The following BRIP1 variants were observed in gnomAD, a reference collection of about 807,000 sequenced individuals.
BRIP1 encodes Fanconi anemia group J protein.
A neutral mutation model predicts 119.7 loss-of-function variants in BRIP1; 88 were observed. The observed-to-expected ratio is 0.74, with a 90% CI of 0.62 to 0.88. BRIP1 has a LOEUF of 0.88. Among genes scored for constraint, BRIP1 ranks in the 40% least tolerant of loss-of-function variants. The pLI is 0.00. For missense variants in BRIP1, 1,259 were observed against 1,455.4 expected, an observed-to-expected ratio of 0.87 and a Z score of 2.20; for synonymous variants, 443 against 496.5, an observed-to-expected ratio of 0.89 and a Z score of 1.43.
Position 61,713,005 on chromosome 17 carries a change from AC to A in BRIP1, c.2492+2945del, listed in dbSNP as rs1339055256. Among the ~76,000 whole-genome samples the A allele has an allele frequency of 2.8e-4, 43 of 152,222 alleles. No individual in the cohort carries two copies. Among genetic ancestry groups the A allele is most frequent in the Admixed American group, 2.7e-3 (42 of 15,274 alleles). On this transcript the variant is annotated intron_variant, in intron 17 of 19. Transcript: ENST00000259008. This position sits in a 1 kb window ranked among gnomAD's most constrained non-coding sequence, Gnocchi z 4.9. Reference sequence around the variant, plus strand: ...TGAAATTAAGGGATAGTAATGCACCACATAATGATGTTTCAGTCAGTGTGAA... The same window carrying A: ...TGAAATTAAGGGATAGTAATGCACCAATAATGATGTTTCAGTCAGTGTGAA...
In BRIP1 at chr17:61,832,125, G is replaced by T. The variant is rs2078501869; in HGVS notation, c.627+14976C>A. ...TGGAACCAGGGTTCCTTGGAGAAAT[G>T]TCTGAATCCGAGACTAGGGCAGGGA... On this transcript the variant is annotated intron_variant, in intron 6 of 19. Transcript: ENST00000259008. This position sits in a 1 kb window ranked among gnomAD's most constrained non-coding sequence, Gnocchi z 5.5. 6.6e-6 allele frequency among the ~76,000 whole-genome samples: 1 copy of T among 152,208 alleles called. No homozygotes were observed. Among genetic ancestry groups the T allele is most frequent in the South Asian group, 2.1e-4 (1 of 4,832 alleles).
Position 61,828,807 on chromosome 17 carries a change from G to A in BRIP1, c.627+18294C>T, listed in dbSNP as rs2078447042. Among the ~76,000 whole-genome samples, 1 of 152,128 alleles carries A rather than the reference G, an allele frequency of 6.6e-6. No homozygotes were observed. Among genetic ancestry groups the A allele is most frequent in the Non-Finnish European group, 1.5e-5 (1 of 68,014 alleles). On this transcript the variant is annotated intron_variant, in intron 6 of 19. Coordinates refer to ENST00000259008, the MANE Select transcript of BRIP1 (RefSeq NM_032043.3). This position sits in a 1 kb window ranked among gnomAD's most constrained non-coding sequence, Gnocchi z 4.1. Reference sequence around the variant, plus strand: ...CACTGTGAGGGCTATGACAAATGTAGAAGTAAAATATTTGACAAAAATGGC... The same window carrying A: ...CACTGTGAGGGCTATGACAAATGTAAAAGTAAAATATTTGACAAAAATGGC...
intron 6 of BRIP1, among the ~76,000 whole-genome samples, chr17:61,833,567 C>T (rs1567856753): frequency 1.3e-5 from 2 of 151,032 alleles, no homozygotes; most frequent in African/African-American, 2.4e-5. Flanking sequence ...GCTACTCGAG[C>T]GGCTGAGGCA....
rs1188484603 is a variant in BRIP1 at position 61,767,582 on chromosome 17, T to C, written c.2097+8819A>G. Among the ~76,000 whole-genome samples, 6 of 152,058 alleles carry C rather than the reference T, an allele frequency of 3.9e-5. No individual in the cohort carries two copies. The highest frequency in any genetic ancestry group is 1.4e-4 in the African/African-American group (6 of 41,420). ...CTGCACTGGGCCTAGACTTCTACCA[T>C]ATGTTTCTTTCTTTCTTTTTGATTT... is the stretch of plus-strand genomic sequence containing the variant. On this transcript the variant is annotated intron_variant, in intron 14 of 19. Transcript: ENST00000259008. This position sits in a 1 kb window ranked among gnomAD's most constrained non-coding sequence, Gnocchi z 5.7.
intron 16 of BRIP1, among the ~76,000 whole-genome samples, chr17:61,716,674 T>G (rs895127416): frequency 1.3e-5 from 2 of 151,190 alleles, no homozygotes; most frequent in Non-Finnish European, 3.0e-5. Flanking sequence ...AATGTAGTTA[T>G]TGTTATGATT....
At position 61,761,636 on chromosome 17, in the gene BRIP1, A is replaced by C. The variant is rs2077278319; in HGVS notation, c.2097+14765T>G. Among the ~76,000 whole-genome samples the C allele has an allele frequency of 1.3e-5, 2 of 152,004 alleles. No individual in the cohort carries two copies. The highest frequency in any genetic ancestry group is 2.4e-5 in the African/African-American group (1 of 41,426). On this transcript the variant is annotated intron_variant, in intron 14 of 19. Coordinates refer to ENST00000259008, the MANE Select transcript of BRIP1 (RefSeq NM_032043.3). The surrounding 1 kb of genome is among the most constrained non-coding windows in gnomAD (Gnocchi z 6.4). ...ATACTAATAACAGACTATCCAAAAA[A>C]GAAATTAAGAGAACTCCTTTTACAA...
Position 61,679,808 on chromosome 17 carries a change from T to A in BRIP1, c.*3488A>T, listed in dbSNP as rs11079454. Among the ~76,000 whole-genome samples the A allele has an allele frequency of 0.34, 51,336 of 152,056 alleles. 8,865 individuals carry two copies. The highest frequency in any genetic ancestry group is 0.49 in the East Asian group (2,542 of 5,178). On this transcript the variant is annotated 3_prime_UTR_variant, in exon 20 of 20. Transcript: ENST00000259008. This position sits in a 1 kb window ranked among gnomAD's most constrained non-coding sequence, Gnocchi z 4.4. ...TCTGTAAACATTTCTTTTAAAAGTA[T>A]GTTATCAGTAATGAAAATGGCCTAC...
At chr17:61,847,015 T>C (rs755855200) in intron 6 of BRIP1, 86 bp downstream of exon 6, 109 of 1,532,648 alleles carry the variant, frequency 7.1e-5, no homozygotes, top group Middle Eastern at 2.2e-4. Flanking sequence ...CTTTGTATTA[T>C]ACTATTGTTC....
At chr17:61,855,397 G>A (rs2078881792) in intron 4 of BRIP1, among the ~76,000 whole-genome samples, 1 of 151,988 alleles carries the variant, frequency 6.6e-6, no homozygotes, top group African/African-American at 2.4e-5. Context: ...GGCCAACATG[G>A]TAAAATCCTG....
rs786202941 is a variant in BRIP1 at position 61,776,400 on chromosome 17, C to A, written c.2097+1G>T. The A allele has an allele frequency of 6.2e-7, 1 of 1,614,030 alleles. No individual in the cohort carries two copies. Among genetic ancestry groups the A allele is most frequent in the Non-Finnish European group, 8.5e-7 (1 of 1,179,948 alleles). On this transcript the variant is annotated splice_donor_variant, in intron 14 of 19. Transcript: ENST00000259008. LOFTEE classifies it high-confidence loss of function. The surrounding 1 kb of genome is among the most constrained non-coding windows in gnomAD (Gnocchi z 5.0). The stretch of plus-strand genomic sequence containing the variant: ...AAAAGAAACAATAAATATTCCCTTA[C>A]CTTGTAAGATGGCAAGAAACACAAA...
chr17:61,793,518 A>T lies in BRIP1; in HGVS notation c.1473+79T>A. 2 of 1,367,870 alleles carry T rather than the reference A, an allele frequency of 1.5e-6. No individual in the cohort carries two copies. Among genetic ancestry groups the T allele is most frequent in the Non-Finnish European group, 2.0e-6 (2 of 989,332 alleles). The allele number at this position is 1,367,870 out of a possible 1,614,324, so 84.7% of individuals were successfully genotyped here. A position where few individuals can be genotyped will look rare whatever the true frequency, so the allele number is the denominator to read the frequency against. On this transcript the variant is annotated intron_variant, in intron 10 of 19. Transcript: ENST00000259008. The surrounding 1 kb of genome is among the most constrained non-coding windows in gnomAD (Gnocchi z 5.2). ...ATTTAACAATTCTGGGTTACTCACT[A>T]GATTTAATCTGGATTTAGTCACGAC...
At position 61,693,630 on chromosome 17, in the gene BRIP1, G is replaced by A. The variant is rs948420658; in HGVS notation, c.2493-118C>T. On this transcript the variant is annotated intron_variant, in intron 17 of 19. Coordinates refer to ENST00000259008, the MANE Select transcript of BRIP1 (RefSeq NM_032043.3). This position sits in a 1 kb window ranked among gnomAD's most constrained non-coding sequence, Gnocchi z 4.2. ...TTTTATAGATTCCTTTAAACAATTT[G>A]TTATTATCAGAAAAGTTACAGAAGC... The A allele has an allele frequency of 2.5e-6, 2 of 815,580 alleles. No homozygotes were observed. Among genetic ancestry groups the A allele is most frequent in the African/African-American group, 3.4e-5 (2 of 58,116 alleles). 50.5% of individuals were successfully genotyped at this position (815,580 alleles called of 1,614,324 possible). A position where few individuals can be genotyped will look rare whatever the true frequency, so the allele number is the denominator to read the frequency against.
At position 61,801,384 on chromosome 17, in the gene BRIP1, T is replaced by C. The variant is rs1365389773; in HGVS notation, c.1009A>G (p.Ile337Val). Residue 337 changes from isoleucine (I) to valine (V), a missense_variant, in exon 8 of 20, where the codon ATA becomes GTA. Physicochemically the swap from Ile to Val is conservative, Grantham distance 29 (BLOSUM62 3). Around this residue, in one of 3 missense-constraint regions of BRIP1, gnomAD observed 501 missense variants for 544.0 expected, o/e 0.92. Transcript: ENST00000259008. ...TTCCCCAGGCTGACAAGTTCTTCTA[T>C]ATCCCAGGCTTTGCACATCCCTTGG... ...TFQGMCKAWDIEELVSLGKKL... is the reference protein window; with the variant it reads ...TFQGMCKAWDVEELVSLGKKL... The C allele has an allele frequency of 1.2e-6, 2 of 1,614,026 alleles. No homozygotes were observed. Among genetic ancestry groups the C allele is most frequent in the Non-Finnish European group, 1.7e-6 (2 of 1,179,904 alleles).
At chr17:61,817,489 T>A (rs1044564130) in intron 6 of BRIP1, among the ~76,000 whole-genome samples, 1 of 152,178 alleles carries the variant, frequency 6.6e-6, no homozygotes, top group African/African-American at 2.4e-5. Flanking sequence ...ACAAAACATA[T>A]GACATAGAGA....
At chr17:61,784,209 T>C in intron 11 of BRIP1, 61 bp downstream of exon 11, 2 of 1,486,152 alleles carry the variant, frequency 1.3e-6, no homozygotes, top group East Asian at 2.3e-5. Flanking sequence ...ATTAAACACA[T>C]GCTAGCATCC....
In BRIP1 at chr17:61,861,071, G is replaced by A. The variant is rs1285306453; in HGVS notation, c.93+376C>T. ...ATGGCAAAATAGCTGTAACAAAACTGGAAAGCTGGTTTACTCAAATTTGTA... is the reference window on the plus strand; with the variant it reads ...ATGGCAAAATAGCTGTAACAAAACTAGAAAGCTGGTTTACTCAAATTTGTA... On this transcript the variant is annotated intron_variant, in intron 2 of 19. Transcript: ENST00000259008. The surrounding 1 kb of genome is among the most constrained non-coding windows in gnomAD (Gnocchi z 4.5). Among the ~76,000 whole-genome samples, 1 of 152,054 alleles carries A rather than the reference G, an allele frequency of 6.6e-6. No individual in the cohort carries two copies.
intron 16 of BRIP1, among the ~76,000 whole-genome samples, chr17:61,732,852 G>A (rs774620589): frequency 6.6e-5 from 10 of 151,944 alleles, no homozygotes; most frequent in Non-Finnish European, 7.4e-5. Flanking sequence ...CCACCACACC[G>A]GGGCTAATTT....
intron 16 of BRIP1, among the ~76,000 whole-genome samples, chr17:61,737,334 A>T (rs1399216387): frequency 6.6e-6 from 1 of 152,212 alleles, no homozygotes; most frequent in Non-Finnish European, 1.5e-5. Context: ...TAAAAGATTC[A>T]CTTAGATATA....
rs2061254069 is a variant in BRIP1 at position 61,680,216 on chromosome 17, G to C, written c.*3080C>G. On this transcript the variant is annotated 3_prime_UTR_variant, in exon 20 of 20. Coordinates refer to ENST00000259008, the MANE Select transcript of BRIP1 (RefSeq NM_032043.3). ...AAAAAAAAAAAATTAGCTGGGTGCA[G>C]TGGTGTACACCTGTAATCCCAGCTA... 6.6e-6 allele frequency among the ~76,000 whole-genome samples: 1 copy of C among 150,950 alleles called. No homozygotes were observed. The highest frequency in any genetic ancestry group is 1.5e-5 in the Non-Finnish European group (1 of 67,818).
Sources: allele counts gnomAD v4.1 joint callset (sites outside exome capture counted in the v4.1 genomes callset), GRCh38; gene constraint gnomAD v4.1.1; regional missense constraint gnomAD v4.1.1; non-coding constraint Gnocchi (gnomAD v3.1); transcripts MANE v1.5; gene names NCBI Gene and HGNC (gene_info 2026-07-23, HGNC 2026-07-21).